The following BNC2 variants were observed in gnomAD, a reference collection of about 807,000 sequenced individuals.
The protein encoded by BNC2 is zinc finger protein basonuclin-2.
Under a neutral mutation model 76.3 loss-of-function variants are expected in BNC2, and 20 were observed. That is an observed-to-expected ratio of 0.26 (90% CI 0.18 to 0.38). The LOEUF is 0.38. Among genes scored for constraint, BNC2 ranks in the 10% least tolerant of loss-of-function variants. The pLI is 1.00. For missense variants in BNC2, 1,382 were observed against 1,399.8 expected (o/e 0.99, Z 0.20); for synonymous variants, 582 against 514.8 (o/e 1.13, Z -1.77).
chr9:16,471,514 A>C (rs575651016), intron 5 of BNC2, among the ~76,000 whole-genome samples: 2 of 152,030 alleles, frequency 1.3e-5, no homozygotes, highest in Non-Finnish European at 2.9e-5. Context: ...GGCTGGTCTC[A>C]AACTCCTGAC....
At chr9:16,489,891 C>T (rs544085563) in intron 5 of BNC2, among the ~76,000 whole-genome samples, 2 of 152,274 alleles carry the variant, frequency 1.3e-5, no homozygotes, top group Non-Finnish European at 2.9e-5. Context: ...GAACAAGAGC[C>T]CTCGTGTATC....
At chr9:16,481,796 C>G (rs977134204) in intron 5 of BNC2, among the ~76,000 whole-genome samples, 2 of 152,210 alleles carry the variant, frequency 1.3e-5, no homozygotes, top group Non-Finnish European at 1.5e-5. Flanking sequence ...TACAGATCTA[C>G]ACTGAGAATG....
intron 5 of BNC2, among the ~76,000 whole-genome samples, chr9:16,499,877 GA>G (rs1217548122): frequency 1.3e-5 from 2 of 151,976 alleles, no homozygotes; most frequent in Non-Finnish European, 2.9e-5. Flanking sequence ...TCCTGGCTAA[GA>G]AAATATGATC....
intron 1 of BNC2, among the ~76,000 whole-genome samples, chr9:16,787,345 C>G (rs1198333693): frequency 6.6e-6 from 1 of 152,168 alleles, no homozygotes; most frequent in Non-Finnish European, 1.5e-5. Context: ...AATAATTTTC[C>G]TAAGTCGGCC....
At chr9:16,620,258 A>C (rs1820826817) in intron 3 of BNC2, among the ~76,000 whole-genome samples, 1 of 152,184 alleles carries the variant, frequency 6.6e-6, no homozygotes, top group Non-Finnish European at 1.5e-5. Context: ...TAGCCCTCTC[A>C]CTGGAAATAA....
intron 3 of BNC2, chr9:16,625,635 G>C (rs1390269402): frequency 6.6e-6 from 1 of 152,128 alleles, no homozygotes; most frequent in Non-Finnish European, 1.5e-5. Context: ...ACAGAAAAGA[G>C]GTTACAAAGA....
At chr9:16,806,481 A>C (rs895044670) in intron 1 of BNC2, among the ~76,000 whole-genome samples, 1 of 152,254 alleles carries the variant, frequency 6.6e-6, no homozygotes, top group Non-Finnish European at 1.5e-5. Context: ...ATTTAAGCAA[A>C]GTTTAGCTTG....
intron 3 of BNC2, among the ~76,000 whole-genome samples, chr9:16,594,867 A>G (rs1011411529): frequency 2.6e-5 from 4 of 152,082 alleles, no homozygotes; most frequent in African/African-American, 9.7e-5. Context: ...CTCCTCCTCA[A>G]ACAAATCTGA....
intron 5 of BNC2, among the ~76,000 whole-genome samples, chr9:16,546,111 C>G (rs1053781249): frequency 5.9e-5 from 9 of 152,160 alleles, no homozygotes; most frequent in African/African-American, 2.2e-4. Flanking sequence ...TGATATTTCT[C>G]TGTTATAATT....
Position 16,515,746 on chromosome 9 carries a change from C to G in BNC2, c.669+36784G>C, listed in dbSNP as rs183085702. On this transcript the variant is annotated intron_variant, in intron 5 of 6. Transcript: ENST00000380672. ...AAAAAAAAAAATTTAAAAAAAACCT[C>G]TGAAAAAAAAAATCAAGCTTGACAT... Among the ~76,000 whole-genome samples, 79 of 146,300 alleles carry G rather than the reference C, an allele frequency of 5.4e-4. No homozygotes were observed. The East Asian group carries it at 0.014, about 26-fold the overall frequency.
chr9:16,472,539 T>G (rs988981257), intron 5 of BNC2, among the ~76,000 whole-genome samples: 1 of 152,226 alleles, frequency 6.6e-6, no homozygotes, highest in Non-Finnish European at 1.5e-5. Flanking sequence ...CTTAGTTACC[T>G]TCCAACTCCT....
At chr9:16,634,938 T>A (rs1195594310) in intron 3 of BNC2, among the ~76,000 whole-genome samples, 2 of 152,164 alleles carry the variant, frequency 1.3e-5, no homozygotes, top group African/African-American at 4.8e-5. Context: ...TCCTTACATA[T>A]TCCATTATGG....
At chr9:16,786,917 T>G (rs1826310343) in intron 1 of BNC2, among the ~76,000 whole-genome samples, 4 of 152,126 alleles carry the variant, frequency 2.6e-5, no homozygotes, top group Admixed American at 2.6e-4. Flanking sequence ...CCTCTCCTAC[T>G]TCTTAGTGGG....
intron 1 of BNC2, among the ~76,000 whole-genome samples, chr9:16,811,146 C>T (rs1237077170): frequency 6.9e-6 from 1 of 145,980 alleles, no homozygotes; most frequent in African/African-American, 2.5e-5. Context: ...TGGCATGAAC[C>T]CGGGAGGCGG....
intron 5 of BNC2, among the ~76,000 whole-genome samples, chr9:16,469,658 G>C (rs1821777947): frequency 6.6e-6 from 1 of 152,206 alleles, no homozygotes; most frequent in Admixed American, 6.5e-5. Flanking sequence ...CTGGGTAACA[G>C]GCAGAGGCTG....
intron 5 of BNC2, among the ~76,000 whole-genome samples, chr9:16,445,222 T>C (rs1587035123): frequency 6.6e-6 from 1 of 152,204 alleles, no homozygotes; most frequent in East Asian, 1.9e-4. Context: ...TTTTAGCAGA[T>C]TTACATTAAA....
chr9:16,488,048 TGC>T (rs1822202384), intron 5 of BNC2, among the ~76,000 whole-genome samples: 1 of 119,536 alleles, frequency 8.4e-6, no homozygotes. Flanking sequence ...TGGAGCTCTT[TGC>T]TTTATCTTTG....
intron 5 of BNC2, among the ~76,000 whole-genome samples, chr9:16,445,387 CTAA>C (rs1821211700): frequency 6.6e-6 from 1 of 152,134 alleles, no homozygotes; most frequent in Non-Finnish European, 1.5e-5. Context: ...GAACTTCGGG[CTAA>C]TGTTTCTAGG....
chr9:16,640,467 T>C (rs533663398), intron 3 of BNC2, among the ~76,000 whole-genome samples: 4 of 152,348 alleles, frequency 2.6e-5, no homozygotes, highest in Admixed American at 6.5e-5. Flanking sequence ...TATTAACTAC[T>C]AGTTTTCAAC....
Sources: gnomAD v4.1 joint callset for allele counts (sites outside exome capture counted in the v4.1 genomes callset) on GRCh38, gnomAD v4.1.1 for gene constraint, MANE v1.5 for transcripts, NCBI Gene and HGNC (gene_info 2026-07-23, HGNC 2026-07-21) for gene names.